CEP164: variants seen among roughly 807,000 people sequenced by gnomAD.
The protein encoded by CEP164 is centrosomal protein 164.
CEP164 carries 162 observed loss-of-function variants against 182.7 expected under a neutral mutation model. That is an observed-to-expected ratio of 0.89 (90% CI 0.78 to 1.01). The LOEUF (loss-of-function observed/expected upper bound fraction) is 1.01. Ranked by LOEUF, CEP164 falls within the 50% of genes least tolerant of loss-of-function variation. The pLI, the probability that CEP164 is intolerant of heterozygous loss-of-function variation, is 0.00. For missense variants in CEP164, 1,735 were observed against 1,790.4 expected (o/e 0.97, Z 0.56); for synonymous variants, 661 against 690.0 (o/e 0.96, Z 0.66).
intron 1 of CEP164, among the ~76,000 whole-genome samples, chr11:117,335,014 C>G (rs2036845815): frequency 6.6e-6 from 1 of 152,072 alleles, no homozygotes; most frequent in South Asian, 2.1e-4. Flanking sequence ...TTCAGGCCAC[C>G]ATTGGGCCCT....
Position 117,409,628 on chromosome 11 carries a change from C to T in CEP164, c.3759C>T (p.Thr1253=). 1 of 1,607,706 alleles carries T rather than the reference C, an allele frequency of 6.2e-7. No homozygotes were observed. Among genetic ancestry groups the T allele is most frequent in the Non-Finnish European group, 8.5e-7 (1 of 1,174,952 alleles). Residue 1253 remains threonine (T), a synonymous_variant, in exon 30 of 33, where the codon ACC becomes ACT. Coordinates refer to ENST00000278935, the MANE Select transcript of CEP164 (RefSeq NM_014956.5). The surrounding 1 kb of genome is among the most constrained non-coding windows in gnomAD (Gnocchi z 4.4). ...CCTCTTTTCTTTCAGTCGACTCAAC[C>T]CCGAGTCTCACCTCCCGCAAGATCC... ...EWWRQQRIDS[T]PSLTSRKIHG... is the part of the protein sequence containing the mutation.
At chr11:117,378,910 A>C (rs2043025223) in intron 11 of CEP164, among the ~76,000 whole-genome samples, 1 of 152,152 alleles carries the variant, frequency 6.6e-6, no homozygotes, top group African/African-American at 2.4e-5. Flanking sequence ...ATAGCCCCGG[A>C]GTCCTTTCTG....
chr11:117,381,894 T>G lies in CEP164; in HGVS notation c.1577+26T>G, dbSNP rs917855242. The G allele has an allele frequency of 4.8e-6, 7 of 1,453,514 alleles. No homozygotes were observed. In the African/African-American group the frequency reaches 1.0e-4, roughly 22 times the overall value. The allele number at this position is 1,453,514 out of a possible 1,614,324, so 90.0% of individuals were successfully genotyped here. A position where few individuals can be genotyped will look rare whatever the true frequency, so the allele number is the denominator to read the frequency against. ...GTAAGGATGAGGGGAAGCATCCTCATGAGGATGAGGGCTGGTGGCTGCTCT... is the reference window on the plus strand; with the variant it reads ...GTAAGGATGAGGGGAAGCATCCTCAGGAGGATGAGGGCTGGTGGCTGCTCT... On this transcript the variant is annotated intron_variant, in intron 13 of 32. Transcript: ENST00000278935.
intron 6 of CEP164, 25 bp from the exon 7 acceptor site, chr11:117,362,379 T>C: frequency 6.2e-7 from 1 of 1,603,970 alleles, no homozygotes; most frequent in South Asian, 1.1e-5. Context: ...AGTGAGTCCT[T>C]TGACTGTCCT....
rs1241449855 is a variant in CEP164, at chr11:117,394,876, G to A, written c.2761-44G>A. The A allele has an allele frequency of 1.9e-6, 3 of 1,594,258 alleles. No individual in the cohort carries two copies. In the African/African-American group the frequency reaches 4.0e-5, roughly 21 times the overall value. ...AACCCCCTCCTGCCCCTCAGCTAAT[G>A]CCTTACACTCTTTCTATGCTTATGT... On this transcript the variant is annotated intron_variant, in intron 21 of 32. Coordinates refer to ENST00000278935, the MANE Select transcript of CEP164 (RefSeq NM_014956.5). This position sits in a 1 kb window ranked among gnomAD's most constrained non-coding sequence, Gnocchi z 4.0.
intron 2 of CEP164, among the ~76,000 whole-genome samples, chr11:117,336,965 G>T (rs1003773764): frequency 6.6e-6 from 1 of 151,998 alleles, no homozygotes; most frequent in African/African-American, 2.4e-5. Context: ...GTGGGAACTG[G>T]GGTCCTGAGG....
Position 117,382,689 on chromosome 11 carries a change from C to T in CEP164, c.1578-107C>T, listed in dbSNP as rs770149955. 204 of 1,328,730 alleles carry T rather than the reference C, an allele frequency of 1.5e-4. 1 individual carries two copies. Among genetic ancestry groups the T allele is most frequent in the Non-Finnish European group, 2.0e-4 (191 of 967,458 alleles). The allele number at this position is 1,328,730 out of a possible 1,614,324, so 82.3% of individuals were successfully genotyped here. On this transcript the variant is annotated intron_variant, in intron 13 of 32. Transcript: ENST00000278935. ...GACCCGAGGTAGGGAAATTGTTGGG[C>T]TGTCTCTCTTGTCTCTGTCATAGCT...
chr11:117,351,728 C>CTTTTTTTTTTTTTCT, intron 4 of CEP164, 62 bp from the exon 5 acceptor site: 1 of 1,332,822 alleles, frequency 7.5e-7, no homozygotes, highest in Non-Finnish European at 1.0e-6. Flanking sequence ...TTTTTCCCCT[C>CTTTTTTTTTTTTTCT]TTTTTTTTTT....
intron 27 of CEP164, among the ~76,000 whole-genome samples, chr11:117,400,306 C>T (rs1037050158): frequency 4.8e-4 from 73 of 152,112 alleles, no homozygotes; most frequent in Non-Finnish European, 8.1e-4. Context: ...AGATGTGTGG[C>T]GCTATTTCTG....
chr11:117,347,218 G>A (rs2039019146), intron 4 of CEP164, among the ~76,000 whole-genome samples: 1 of 152,172 alleles, frequency 6.6e-6, no homozygotes, highest in African/African-American at 2.4e-5. Context: ...TGGCCATGAA[G>A]TGAGGGCTGT....
chr11:117,338,613 A>G lies in CEP164; in HGVS notation c.27A>G (p.Gly9=), dbSNP rs754626091. The G allele has an allele frequency of 6.2e-6, 10 of 1,614,080 alleles. No individual in the cohort carries two copies. In the South Asian group the frequency reaches 8.8e-5, roughly 14 times the overall value. The change falls in exon 3 of 33, where the codon GGA becomes GGG. Residue 9 remains glycine, a synonymous_variant. Coordinates refer to ENST00000278935, the MANE Select transcript of CEP164 (RefSeq NM_014956.5). MAGRPLRI[G]DQLVLEEDYD... ...TGGCTGGACGACCCCTCCGCATAGG[A>G]GATCAGCTGGTTCTGGAAGAAGATT...
At chr11:117,390,682 C>G in intron 15 of CEP164, 95 bp from the exon 16 acceptor site, 2 of 1,455,860 alleles carry the variant, frequency 1.4e-6, no homozygotes, top group Non-Finnish European at 1.9e-6. Flanking sequence ...CTTAGGCAGG[C>G]AACAGGGCTA....
intron 8 of CEP164, among the ~76,000 whole-genome samples, chr11:117,368,430 T>C (rs2041876063): frequency 6.6e-6 from 1 of 152,164 alleles, no homozygotes; most frequent in African/African-American, 2.4e-5. Flanking sequence ...GTGGGCCAAG[T>C]AGGAGTTTAA....
intron 24 of CEP164, 56 bp downstream of exon 24, chr11:117,395,778 C>T: frequency 6.5e-7 from 1 of 1,548,920 alleles, no homozygotes; most frequent in East Asian, 2.2e-5. Context: ...TGCCCTCTGA[C>T]CTCTGCTGCT....
chr11:117,341,919 T>A (rs1184290992), intron 3 of CEP164, among the ~76,000 whole-genome samples: 1 of 152,098 alleles, frequency 6.6e-6, no homozygotes, highest in African/African-American at 2.4e-5. Context: ...CCATAATTTT[T>A]ATTATTGTTA....
intron 15 of CEP164, among the ~76,000 whole-genome samples, chr11:117,389,170 T>C (rs2044304583): frequency 6.6e-6 from 1 of 152,172 alleles, no homozygotes; most frequent in South Asian, 2.1e-4. Flanking sequence ...ACAGAAGCTT[T>C]TCAAAGGAAT....
Position 117,361,878 on chromosome 11 carries a change from G to T in CEP164, c.437G>T (p.Gly146Val). Residue 146 changes from glycine to valine, a missense_variant, in exon 6 of 33, where the codon GGC (glycine) becomes GTC (valine). Gly to Val is a moderately radical substitution (Grantham distance 109). Transcript: ENST00000278935. The part of the protein sequence containing the change: ...SLAPVHVPLG[G>V]LAPLRGLVDT... ...GCCCCAGTTCATGTTCCTCTTGGGG[G>T]CCTGGCTCCTTTACGAGGTCTTGTG... is the stretch of plus-strand genomic sequence containing the variant. The T allele has an allele frequency of 6.2e-7, 1 of 1,614,150 alleles. No individual in the cohort carries two copies.
Position 117,409,736 on chromosome 11 carries a change from G to A in CEP164, c.3867G>A (p.Ser1289=), listed in dbSNP as rs752083526. The stretch of plus-strand genomic sequence containing the variant: ...TCCTGGACAGCCTCAACCCTCAGTC[G>A]CCGCCGCCGCTCCTCGCCTCCATGC... The part of the protein sequence containing the change: ...LSILDSLNPQ[S]PPPLLASMPA... The change falls in exon 30 of 33, where the codon TCG becomes TCA. Residue 1289 remains serine, a synonymous_variant. Transcript: ENST00000278935. The surrounding 1 kb of genome is among the most constrained non-coding windows in gnomAD (Gnocchi z 4.4). 69 of 1,613,716 alleles carry A rather than the reference G, an allele frequency of 4.3e-5. No individual in the cohort carries two copies. Among genetic ancestry groups the A allele is most frequent in the Admixed American group, 2.2e-4 (13 of 59,994 alleles).
chr11:117,406,560 C>T (rs993907983), intron 27 of CEP164, among the ~76,000 whole-genome samples: 1 of 152,210 alleles, frequency 6.6e-6, no homozygotes, highest in Non-Finnish European at 1.5e-5. Context: ...TACTTTCAAA[C>T]CTTTCAAACC....
Sources: gnomAD v4.1 joint callset for allele counts (sites outside exome capture counted in the v4.1 genomes callset) on GRCh38, gnomAD v4.1.1 for gene constraint, Gnocchi (gnomAD v3.1) non-coding constraint, MANE v1.5 for transcripts, NCBI Gene and HGNC (gene_info 2026-07-23, HGNC 2026-07-21) for gene names.